EVI5: variants seen among roughly 807,000 people sequenced by gnomAD.
EVI5 encodes ecotropic viral integration site 5 protein homolog.
In EVI5, 73 loss-of-function variants were observed where a neutral mutation model predicts 112.0. The observed-to-expected ratio is 0.65, with a 90% CI of 0.54 to 0.79. The LOEUF is 0.79. EVI5 is among the 30% of genes least tolerant of loss of function. EVI5 has a pLI of 0.00. For missense variants in EVI5, 900 were observed against 968.8 expected (o/e 0.93, Z 0.94); for synonymous variants, 305 against 319.9 (o/e 0.95, Z 0.50).
At chr1:92,653,561 G>C (rs12738833) in intron 13 of EVI5, among the ~76,000 whole-genome samples, 29,784 of 152,236 alleles carry the variant, frequency 0.2, 3,460 homozygotes, top group Non-Finnish European at 0.25. Context: ...ACTGCTGTAG[G>C]CATAGCCATG....
chr1:92,617,184 G>A (rs1032286422), intron 16 of EVI5, among the ~76,000 whole-genome samples: 5 of 152,208 alleles, frequency 3.3e-5, no homozygotes, highest in Non-Finnish European at 4.4e-5. Context: ...GAAGGACAGC[G>A]GTGAAGGTAA....
chr1:92,542,024 A>G (rs1275686958), intron 19 of EVI5, among the ~76,000 whole-genome samples: 2 of 152,204 alleles, frequency 1.3e-5, no homozygotes, highest in Non-Finnish European at 2.9e-5. Context: ...TTCTTAAAGT[A>G]AGACAACAAT....
intron 1 of EVI5, among the ~76,000 whole-genome samples, chr1:92,765,489 CT>C (rs1705394433): frequency 6.6e-6 from 1 of 150,672 alleles, no homozygotes; most frequent in South Asian, 2.1e-4. Context: ...TCATGACCAA[CT>C]TTACACAGTA....
chr1:92,747,017 A>G (rs1039630884), intron 1 of EVI5, among the ~76,000 whole-genome samples: 2 of 152,168 alleles, frequency 1.3e-5, no homozygotes, highest in African/African-American at 4.8e-5. Flanking sequence ...TTTATGACAC[A>G]TTTGTAAAAG....
At chr1:92,563,802 G>T (rs2100907140) in intron 18 of EVI5, 65 bp from the exon 19 acceptor site, 1 of 919,674 alleles carries the variant, frequency 1.1e-6, no homozygotes, top group Non-Finnish European at 1.8e-6. Context: ...TACTCAAATA[G>T]TTCAAGGTAT....
chr1:92,648,165 T>G (rs1478046523), intron 13 of EVI5, among the ~76,000 whole-genome samples: 5 of 127,620 alleles, frequency 3.9e-5, no homozygotes, highest in African/African-American at 1.5e-4. Context: ...GCTAACACGG[T>G]GAAACCCCGA....
chr1:92,718,977 C>T lies in EVI5; in HGVS notation c.150-14233G>A, dbSNP rs530861456. Among the ~76,000 whole-genome samples the T allele has an allele frequency of 1.1e-4, 16 of 152,148 alleles. No individual in the cohort carries two copies. In the South Asian group the frequency reaches 3.1e-3, roughly 30 times the overall value. On this transcript the variant is annotated intron_variant, in intron 2 of 19. Coordinates refer to ENST00000684568, the MANE Select transcript of EVI5 (RefSeq NM_001350197.2). Reference sequence around the variant, plus strand: ...ATGGATGAATCCTGGACACATACACCTTCCCAAGCTAAACCAGGAAGAAGC... The same window carrying T: ...ATGGATGAATCCTGGACACATACACTTTCCCAAGCTAAACCAGGAAGAAGC...
intron 19 of EVI5, among the ~76,000 whole-genome samples, chr1:92,561,554 A>ATCTATCTATCTAT (rs1557789296): frequency 2.0e-4 from 26 of 127,570 alleles, no homozygotes; most frequent in Admixed American, 7.2e-4. Context: ...GATGAGACTG[A>ATCTATCTATCTAT]CTATCTATCT....
At chr1:92,730,716 A>G (rs7516141) in intron 2 of EVI5, among the ~76,000 whole-genome samples, 134,552 of 149,380 alleles carry the variant, frequency 0.9, 60,732 homozygotes, top group East Asian at 0.97. Flanking sequence ...AACTTCCTCA[A>G]TCTGACAAAG....
intron 19 of EVI5, among the ~76,000 whole-genome samples, chr1:92,533,909 A>C (rs537562201): frequency 1.3e-5 from 2 of 152,322 alleles, no homozygotes; most frequent in South Asian, 4.1e-4. Context: ...TAGTCAACAT[A>C]GTGTTGGAAG....
intron 9 of EVI5, among the ~76,000 whole-genome samples, chr1:92,681,365 A>C (rs1179361499): frequency 6.6e-6 from 1 of 152,192 alleles, no homozygotes; most frequent in Non-Finnish European, 1.5e-5. Flanking sequence ...CATACAGAGG[A>C]GAGAGGATAA....
chr1:92,519,298 C>A (rs1456705587), intron 19 of EVI5, among the ~76,000 whole-genome samples: 2 of 152,090 alleles, frequency 1.3e-5, no homozygotes, highest in Admixed American at 1.3e-4. Flanking sequence ...GTACAAGAGA[C>A]CTAGAGGCAT....
intron 2 of EVI5, among the ~76,000 whole-genome samples, chr1:92,707,198 A>C (rs1558117973): frequency 1.4e-5 from 2 of 145,704 alleles, no homozygotes; most frequent in Non-Finnish European, 3.0e-5. Context: ...AAAAAAAAAA[A>C]AACACAAGAA....
chr1:92,546,713 A>C (rs2100693078), intron 19 of EVI5, among the ~76,000 whole-genome samples: 1 of 152,242 alleles, frequency 6.6e-6, no homozygotes, highest in African/African-American at 2.4e-5. Context: ...ATAAATAAAT[A>C]ACAGACTTTA....
At chr1:92,649,092 T>C (rs1194665203) in intron 13 of EVI5, among the ~76,000 whole-genome samples, 1 of 152,258 alleles carries the variant, frequency 6.6e-6, no homozygotes, top group Non-Finnish European at 1.5e-5. Context: ...AGGCACCTCA[T>C]CATGGTTTTG....
intron 19 of EVI5, among the ~76,000 whole-genome samples, chr1:92,546,317 G>A (rs894644916): frequency 6.6e-6 from 1 of 152,156 alleles, no homozygotes; most frequent in African/African-American, 2.4e-5. Context: ...GAAGTCCACT[G>A]TTATAAAGAT....
intron 19 of EVI5, among the ~76,000 whole-genome samples, chr1:92,558,903 C>A (rs1275201097): frequency 6.6e-6 from 1 of 151,346 alleles, no homozygotes; most frequent in Non-Finnish European, 1.5e-5. Context: ...ACCAAAAAAA[C>A]CCCTAACAAC....
intron 1 of EVI5, among the ~76,000 whole-genome samples, chr1:92,776,280 T>C (rs1274978983): frequency 2.0e-5 from 3 of 152,052 alleles, no homozygotes; most frequent in African/African-American, 4.8e-5. Flanking sequence ...GGTGAATAAA[T>C]TGTATAAACA....
chr1:92,548,500 A>G (rs1004275248), intron 19 of EVI5, among the ~76,000 whole-genome samples: 27 of 152,214 alleles, frequency 1.8e-4, no homozygotes, highest in African/African-American at 6.5e-4. Flanking sequence ...GGCCAGGGCA[A>G]TCAGGCAGGA....
Sources: allele counts gnomAD v4.1 joint callset (sites outside exome capture counted in the v4.1 genomes callset), GRCh38; gene constraint gnomAD v4.1.1; transcripts MANE v1.5; gene names NCBI Gene and HGNC (gene_info 2026-07-23, HGNC 2026-07-21).